The following STAG1 variants were observed in gnomAD, a reference collection of about 807,000 sequenced individuals.
STAG1 encodes the protein cohesin subunit SA-1.
Under a neutral mutation model 170.9 loss-of-function variants are expected in STAG1, and 26 were observed. That is an observed-to-expected ratio of 0.15 (90% CI 0.11 to 0.21). The LOEUF is 0.21. STAG1 is among the 10% of genes least tolerant of loss of function. STAG1 has a pLI of 1.00. For missense variants in STAG1, 964 were observed against 1,509.5 expected (o/e 0.64, Z 5.99); for synonymous variants, 514 against 497.7 (o/e 1.03, Z -0.44).
At chr3:136,691,262 C>CTACTAA (rs935526700) in intron 1 of STAG1, among the ~76,000 whole-genome samples, 1 of 151,894 alleles carries the variant, frequency 6.6e-6, no homozygotes, top group Non-Finnish European at 1.5e-5. Flanking sequence ...GGTGAAACCC[C>CTACTAA]ACCTCTACTA....
At chr3:136,522,213 G>A (rs1422998777) in intron 6 of STAG1, among the ~76,000 whole-genome samples, 2 of 152,174 alleles carry the variant, frequency 1.3e-5, no homozygotes, top group African/African-American at 2.4e-5. Flanking sequence ...AGTGCTGCTA[G>A]GCAAATTTCT....
intron 1 of STAG1, among the ~76,000 whole-genome samples, chr3:136,702,119 G>GAGAGAC (rs1559960296): frequency 4.4e-5 from 3 of 68,214 alleles, no homozygotes; most frequent in Non-Finnish European, 9.8e-5. Flanking sequence ...GAGAGAGAGA[G>GAGAGAC]AGACAGAGAG....
Position 136,541,999 on chromosome 3 carries a change from A to C in STAG1, c.471+120T>G, listed in dbSNP as rs1935927864. The C allele has an allele frequency of 6.9e-6, 5 of 727,722 alleles. No homozygotes were observed. The Admixed American group carries it at 1.3e-4, about 19-fold the overall frequency. 45.1% of individuals were successfully genotyped at this position (727,722 alleles called of 1,614,324 possible). ...TTAGTACCACAGATTATCATATATA[A>C]TTAAAAAATAGATTTTCAGTTACAC... is the stretch of plus-strand genomic sequence containing the variant. On this transcript the variant is annotated intron_variant, in intron 6 of 33. Coordinates refer to ENST00000383202, the MANE Select transcript of STAG1 (RefSeq NM_005862.3).
At chr3:136,502,985 G>C (rs1559844782) in intron 7 of STAG1, among the ~76,000 whole-genome samples, 1 of 152,092 alleles carries the variant, frequency 6.6e-6, no homozygotes, top group Non-Finnish European at 1.5e-5. Flanking sequence ...AGCTTGGCTT[G>C]TTAACACTTT....
intron 1 of STAG1, among the ~76,000 whole-genome samples, chr3:136,656,382 A>G (rs1941370434): frequency 6.6e-6 from 1 of 152,130 alleles, no homozygotes; most frequent in Admixed American, 6.5e-5. Flanking sequence ...ATATGGACCT[A>G]TTTAATACCA....
At chr3:136,565,929 G>GT (rs1174890544) in intron 5 of STAG1, among the ~76,000 whole-genome samples, 2 of 152,186 alleles carry the variant, frequency 1.3e-5, no homozygotes, top group Non-Finnish European at 2.9e-5. Context: ...ACACACAGAA[G>GT]GTGACATATG....
intron 21 of STAG1, among the ~76,000 whole-genome samples, chr3:136,412,193 A>G (rs1193645806): frequency 1.3e-5 from 2 of 152,188 alleles, no homozygotes; most frequent in East Asian, 3.9e-4. Context: ...CTACAGTGAT[A>G]CCAATTTTTT....
chr3:136,583,222 G>A (rs922535031), intron 4 of STAG1, among the ~76,000 whole-genome samples: 28 of 152,020 alleles, frequency 1.8e-4, no homozygotes, highest in African/African-American at 6.8e-4. Context: ...TGCTTAAGAA[G>A]GTATTGCCTG....
intron 1 of STAG1, among the ~76,000 whole-genome samples, chr3:136,727,610 G>C (rs1271043842): frequency 2.6e-5 from 4 of 152,174 alleles, no homozygotes; most frequent in Non-Finnish European, 5.9e-5. Context: ...CTCTGTCTCT[G>C]AGAGATACTT....
intron 1 of STAG1, among the ~76,000 whole-genome samples, chr3:136,741,711 G>A (rs1340995372): frequency 6.6e-6 from 1 of 152,102 alleles, no homozygotes; most frequent in African/African-American, 2.4e-5. Context: ...CAGATGATCC[G>A]CCTGCCTCGG....
chr3:136,423,335 A>G (rs1211329028), intron 16 of STAG1, among the ~76,000 whole-genome samples: 3 of 152,132 alleles, frequency 2.0e-5, no homozygotes, highest in African/African-American at 4.8e-5. Context: ...ATCAATACCC[A>G]ATTTTTCTAG....
intron 23 of STAG1, among the ~76,000 whole-genome samples, chr3:136,371,293 C>A (rs1008208319): frequency 2.6e-5 from 4 of 152,088 alleles, no homozygotes; most frequent in Non-Finnish European, 5.9e-5. Context: ...AATTTTCTCC[C>A]ATTCTGTAGG....
intron 1 of STAG1, among the ~76,000 whole-genome samples, chr3:136,703,551 T>C (rs1010328304): frequency 6.6e-6 from 1 of 152,202 alleles, no homozygotes; most frequent in Non-Finnish European, 1.5e-5. Context: ...GAAAACTTTT[T>C]TTCTTTACTG....
intron 23 of STAG1, among the ~76,000 whole-genome samples, chr3:136,373,243 T>A (rs1017448373): frequency 2.6e-5 from 4 of 152,206 alleles, no homozygotes; most frequent in African/African-American, 9.6e-5. Flanking sequence ...CTCTCTTTTC[T>A]TCTTTATTAG....
At chr3:136,696,118 G>C (rs758129397) in intron 1 of STAG1, among the ~76,000 whole-genome samples, 8 of 152,154 alleles carry the variant, frequency 5.3e-5, no homozygotes, top group Non-Finnish European at 1.2e-4. Context: ...TAATTGCTTT[G>C]ATAAAAAGCT....
chr3:136,751,077 A>G (rs1298182801), intron 1 of STAG1, among the ~76,000 whole-genome samples: 1 of 152,240 alleles, frequency 6.6e-6, no homozygotes, highest in Non-Finnish European at 1.5e-5. Context: ...ATTTTTGCGA[A>G]GATGCAAGTC....
intron 30 of STAG1, among the ~76,000 whole-genome samples, chr3:136,343,233 C>A (rs747867957): frequency 6.6e-6 from 1 of 152,138 alleles, no homozygotes; most frequent in Non-Finnish European, 1.5e-5. Flanking sequence ...AAGCAAAACA[C>A]GCCATCACCC....
At chr3:136,705,378 A>AACACACACAC (rs3066789) in intron 1 of STAG1, among the ~76,000 whole-genome samples, 2 of 143,206 alleles carry the variant, frequency 1.4e-5, no homozygotes, top group Admixed American at 7.1e-5. Context: ...ATGATCATCA[A>AACACACACAC]ACACACACAC....
intron 5 of STAG1, among the ~76,000 whole-genome samples, chr3:136,549,660 T>G (rs1366564075): frequency 1.2e-4 from 3 of 24,078 alleles, no homozygotes; most frequent in African/African-American, 2.5e-4. Flanking sequence ...CTTCTTCCGT[T>G]TTTTTTTTTT....
Sources: gnomAD v4.1 joint callset for allele counts (sites outside exome capture counted in the v4.1 genomes callset) on GRCh38, gnomAD v4.1.1 for gene constraint, MANE v1.5 for transcripts, NCBI Gene and HGNC (gene_info 2026-07-23, HGNC 2026-07-21) for gene names.